Variants in RARB observed in about 807,000 individuals in gnomAD.
RARB encodes retinoic acid receptor beta, also known as HBV-activated protein.
Under a neutral mutation model 51.9 loss-of-function variants are expected in RARB, and 17 were observed. The ratio of observed to expected loss-of-function variants is 0.33; its 90% CI spans 0.22 to 0.49. RARB has a LOEUF of 0.49. RARB is among the 20% of genes least tolerant of loss of function. RARB has a pLI of 0.99. For missense variants in RARB, 369 were observed against 550.8 expected, an observed-to-expected ratio of 0.67 and a Z score of 3.30; for synonymous variants, 215 against 195.4, an observed-to-expected ratio of 1.10 and a Z score of -0.84.
At chr3:24,996,788 T>C (rs897279504) in intron 2 of RARB, among the ~76,000 whole-genome samples, 6 of 152,172 alleles carry the variant, frequency 3.9e-5, no homozygotes, top group Admixed American at 2.0e-4. Context: ...GTTGATAATC[T>C]AGTTTTATCC....
intron 5 of RARB, among the ~76,000 whole-genome samples, chr3:25,241,748 C>T (rs1035912410): frequency 2.0e-5 from 3 of 152,152 alleles, no homozygotes; most frequent in East Asian, 1.9e-4. Context: ...CAAGTCTTTG[C>T]TATTGTGAAT....
intron 5 of RARB, among the ~76,000 whole-genome samples, chr3:25,208,400 C>G (rs891322683): frequency 1.9e-4 from 29 of 152,158 alleles, no homozygotes; most frequent in African/African-American, 6.3e-4. Context: ...CAACTTCATT[C>G]CAGTGATTCT....
intron 2 of RARB, among the ~76,000 whole-genome samples, chr3:24,984,672 A>C (rs952986014): frequency 2.0e-5 from 3 of 152,208 alleles, no homozygotes; most frequent in African/African-American, 4.8e-5. Context: ...TAGAACTCTA[A>C]TGTACAGTGT....
At chr3:25,593,849 T>G in intron 6 of RARB, 142 bp downstream of exon 6, 1 of 748,078 alleles carries the variant, frequency 1.3e-6, no homozygotes, top group Non-Finnish European at 2.1e-6. Context: ...ATGCCTGGTT[T>G]CATTGTATTT....
At chr3:25,384,220 G>C (rs1241410339) in intron 5 of RARB, among the ~76,000 whole-genome samples, 1 of 152,200 alleles carries the variant, frequency 6.6e-6, no homozygotes, top group Non-Finnish European at 1.5e-5. Flanking sequence ...CTACATGGCA[G>C]TTGTTAACTA....
At chr3:25,349,286 A>G (rs912044559) in intron 5 of RARB, among the ~76,000 whole-genome samples, 1 of 152,210 alleles carries the variant, frequency 6.6e-6, no homozygotes, top group Non-Finnish European at 1.5e-5. Context: ...GCATAAAACT[A>G]GGCAGATTTG....
rs532929140 is a variant in RARB, at chr3:25,266,983, T to C, written c.178+92408T>C. On this transcript the variant is annotated intron_variant, in intron 5 of 11. Transcript: ENST00000383772. The stretch of plus-strand genomic sequence containing the variant: ...AAGCAGACTAACACAATCACCAACT[T>C]GGAAATACTGAGCAACCACAAAGCT... Among the ~76,000 whole-genome samples the C allele has an allele frequency of 5.3e-5, 8 of 152,334 alleles. No homozygotes were observed. In the South Asian group the frequency reaches 1.7e-3, roughly 32 times the overall value.
intron 3 of RARB, among the ~76,000 whole-genome samples, chr3:25,072,667 G>A (rs1466490879): frequency 6.6e-6 from 1 of 152,068 alleles, no homozygotes; most frequent in East Asian, 1.9e-4. Context: ...AGCAGGCTTA[G>A]AAATGGCTTC....
chr3:25,241,786 C>G (rs1018260874), intron 5 of RARB, among the ~76,000 whole-genome samples: 1 of 152,164 alleles, frequency 6.6e-6, no homozygotes, highest in African/African-American at 2.4e-5. Flanking sequence ...GTGCATGTGT[C>G]TATATAGCAG....
chr3:24,949,681 C>A (rs1170990450), intron 2 of RARB, among the ~76,000 whole-genome samples: 1 of 152,202 alleles, frequency 6.6e-6, no homozygotes, highest in Non-Finnish European at 1.5e-5. Flanking sequence ...TCAATTCTAT[C>A]TAAAATGCAT....
At chr3:25,470,525 G>A (rs912476330) in intron 2 of RARB, among the ~76,000 whole-genome samples, 5 of 152,190 alleles carry the variant, frequency 3.3e-5, no homozygotes, top group African/African-American at 9.7e-5. Context: ...GGGGAGAGGA[G>A]TGTTCCAGGC....
intron 2 of RARB, among the ~76,000 whole-genome samples, chr3:25,043,314 A>T (rs993862024): frequency 1.2e-4 from 19 of 152,080 alleles, no homozygotes; most frequent in African/African-American, 4.6e-4. Context: ...TTCTTAACAG[A>T]CTCATTTATA....
At chr3:25,149,849 C>G (rs1700253544) in intron 4 of RARB, among the ~76,000 whole-genome samples, 3 of 152,206 alleles carry the variant, frequency 2.0e-5, no homozygotes, top group African/African-American at 7.2e-5. Context: ...CATCTATACA[C>G]TTAATGAAAT....
intron 3 of RARB, among the ~76,000 whole-genome samples, chr3:25,063,077 A>G (rs1698582572): frequency 6.6e-6 from 1 of 151,956 alleles, no homozygotes; most frequent in Non-Finnish European, 1.5e-5. Flanking sequence ...CTTCTTAGAG[A>G]CAAGGAATAA....
At chr3:25,377,077 C>T (rs921317839) in intron 5 of RARB, among the ~76,000 whole-genome samples, 9 of 151,972 alleles carry the variant, frequency 5.9e-5, no homozygotes, top group Admixed American at 5.2e-4. Flanking sequence ...GATTAATAAC[C>T]CATCTTGGTT....
intron 2 of RARB, among the ~76,000 whole-genome samples, chr3:24,988,733 A>C (rs1696847748): frequency 6.6e-6 from 1 of 152,240 alleles, no homozygotes; most frequent in African/African-American, 2.4e-5. Context: ...GGTCTAATTC[A>C]TCAGATTACC....
chr3:25,155,517 T>G (rs1700359453), intron 4 of RARB, among the ~76,000 whole-genome samples: 5 of 152,226 alleles, frequency 3.3e-5, no homozygotes, highest in Admixed American at 3.3e-4. Flanking sequence ...TTGCTAGAAT[T>G]AAATGACTGC....
intron 4 of RARB, among the ~76,000 whole-genome samples, chr3:25,137,733 A>G (rs1700053111): frequency 6.6e-6 from 1 of 152,084 alleles, no homozygotes; most frequent in Non-Finnish European, 1.5e-5. Context: ...TAGCTGTGTG[A>G]TGAGAAGCCA....
At chr3:25,186,518 T>TA (rs977818505) in intron 5 of RARB, among the ~76,000 whole-genome samples, 6 of 152,020 alleles carry the variant, frequency 3.9e-5, no homozygotes, top group African/African-American at 9.7e-5. Flanking sequence ...TCATAGATTA[T>TA]AAAAAAAGGA....
Sources: allele counts gnomAD v4.1 joint callset (sites outside exome capture counted in the v4.1 genomes callset), GRCh38; gene constraint gnomAD v4.1.1; transcripts MANE v1.5; gene names NCBI Gene and HGNC (gene_info 2026-07-23, HGNC 2026-07-21).